DLC1: variants seen among roughly 807,000 people sequenced by gnomAD.
DLC1 encodes the protein rho GTPase-activating protein 7.
DLC1 carries 54 observed loss-of-function variants against 140.3 expected under a neutral mutation model. The observed-to-expected ratio is 0.38, with a 90% CI of 0.31 to 0.48. DLC1 has a LOEUF of 0.48. Among genes scored for constraint, DLC1 ranks in the 20% least tolerant of loss-of-function variants. The pLI, the probability that DLC1 is intolerant of heterozygous loss-of-function variation, is 0.96. For synonymous variants in DLC1, 986 were observed against 728.1 expected (o/e 1.35, Z -5.70); for missense variants, 2,536 against 1,907.0 (o/e 1.33, Z -6.14).
Position 13,499,915 on chromosome 8 carries a change from C to T in DLC1, c.157G>A (p.Asp53Asn). 9 of 1,614,084 alleles carry T rather than the reference C, an allele frequency of 5.6e-6. No individual in the cohort carries two copies. The highest frequency in any genetic ancestry group is 7.6e-6 in the Non-Finnish European group (9 of 1,180,010). ...AGTGAAACACACTTCTCTTTGCGGTCCACATTTAGAGTTGCATCTTTTTCC... is the reference window on the plus strand; with the variant it reads ...AGTGAAACACACTTCTCTTTGCGGTTCACATTTAGAGTTGCATCTTTTTCC... ...SMEKDATLNV[D>N]RKEKCVSLPD... Residue 53 changes from aspartate (D) to asparagine (N), a missense_variant, in exon 2 of 18, where the codon GAC (aspartate) becomes AAC (asparagine). By Grantham distance (23) the Asp-to-Asn change is conservative. Transcript: ENST00000276297.
intron 4 of DLC1, among the ~76,000 whole-genome samples, chr8:13,321,552 AAAAAAAAAAAAAAAG>A: frequency 6.6e-6 from 1 of 150,436 alleles, no homozygotes; most frequent in African/African-American, 2.4e-5. Flanking sequence ...AGAAAAAAAA[AAAAAAAAAAAAAAAG>A]AAACCTAAAC....
chr8:13,246,291 G>A (rs914665140), intron 5 of DLC1, among the ~76,000 whole-genome samples: 5 of 152,174 alleles, frequency 3.3e-5, no homozygotes, highest in Admixed American at 2.6e-4. Flanking sequence ...CAGAAAGCAC[G>A]TCTTTTAAAT....
At chr8:13,195,129 T>C (rs1464558251) in intron 5 of DLC1, among the ~76,000 whole-genome samples, 1 of 152,210 alleles carries the variant, frequency 6.6e-6, no homozygotes, top group Non-Finnish European at 1.5e-5. Flanking sequence ...TTCTCATTTA[T>C]TTGGCCCAAA....
chr8:13,143,430 G>T (rs1182495056), intron 5 of DLC1, among the ~76,000 whole-genome samples: 1 of 152,118 alleles, frequency 6.6e-6, no homozygotes, highest in African/African-American at 2.4e-5. Flanking sequence ...TACTTCCTAG[G>T]TAGGTTAGAA....
chr8:13,121,363 A>G (rs1267436905), intron 5 of DLC1, among the ~76,000 whole-genome samples: 1 of 152,126 alleles, frequency 6.6e-6, no homozygotes, highest in Non-Finnish European at 1.5e-5. Flanking sequence ...AAGGTGACCA[A>G]TTTGGCAGGA....
intron 5 of DLC1, among the ~76,000 whole-genome samples, chr8:13,151,195 G>T (rs963623343): frequency 1.3e-5 from 2 of 152,118 alleles, no homozygotes; most frequent in African/African-American, 2.4e-5. Context: ...TGTTTACATG[G>T]GAAGACTCAG....
rs529416800 is a variant in DLC1 at position 13,172,275 on chromosome 8, G to C, written c.1349-56618C>G. On this transcript the variant is annotated intron_variant, in intron 5 of 17. Transcript: ENST00000276297. Reference sequence around the variant, plus strand: ...ACCTCACTAATGGAGACCCCTGATAGGGTGTGGCCAGCTGGAGCCTCAATA... The same window carrying C: ...ACCTCACTAATGGAGACCCCTGATACGGTGTGGCCAGCTGGAGCCTCAATA... Among the ~76,000 whole-genome samples the C allele has an allele frequency of 5.9e-5, 9 of 152,300 alleles. No homozygotes were observed. In the South Asian group the frequency reaches 1.9e-3, roughly 32 times the overall value.
intron 4 of DLC1, among the ~76,000 whole-genome samples, chr8:13,332,021 G>A (rs1049013330): frequency 2.0e-5 from 3 of 152,100 alleles, no homozygotes; most frequent in African/African-American, 7.2e-5. Context: ...TCCACAAAAT[G>A]ACGAACTATT....
intron 4 of DLC1, among the ~76,000 whole-genome samples, chr8:13,387,214 A>G (rs910036229): frequency 3.9e-5 from 6 of 152,048 alleles, no homozygotes; most frequent in African/African-American, 1.2e-4. Context: ...CCAATTTTAT[A>G]TATTACCTTG....
intron 6 of DLC1, among the ~76,000 whole-genome samples, chr8:13,114,193 C>T (rs1166351735): frequency 6.6e-6 from 1 of 152,128 alleles, no homozygotes; most frequent in East Asian, 1.9e-4. Flanking sequence ...AAAACCCCGG[C>T]TCTACTAAAA....
rs187222044 is a variant in DLC1, at chr8:13,548,389, T to A, written c.-125-48193A>T. Among the ~76,000 whole-genome samples the A allele has an allele frequency of 2.0e-3, 305 of 152,150 alleles. 1 individual carries two copies. The highest frequency in any genetic ancestry group is 6.8e-3 in the African/African-American group (282 of 41,544). ...GTGTACTACACACCCCAGTATTAAATTGAATTAATGAATTAGTTTCAGGAG... is the reference window on the plus strand; with the variant it reads ...GTGTACTACACACCCCAGTATTAAAATGAATTAATGAATTAGTTTCAGGAG... On this transcript the variant is annotated intron_variant, in intron 1 of 1. Transcript: ENST00000631382.
At chr8:13,418,501 A>T (rs866330269) in intron 2 of DLC1, among the ~76,000 whole-genome samples, 3 of 151,930 alleles carry the variant, frequency 2.0e-5, no homozygotes, top group Admixed American at 6.6e-5. Context: ...TTTTTGTCAC[A>T]TGTGTCAAAG....
intron 5 of DLC1, among the ~76,000 whole-genome samples, chr8:13,123,556 C>T (rs1275407987): frequency 2.0e-5 from 3 of 149,448 alleles, no homozygotes; most frequent in African/African-American, 7.4e-5. Context: ...CCGTGGTGGT[C>T]AGGCTGGTTT....
intron 2 of DLC1, among the ~76,000 whole-genome samples, chr8:13,476,572 GA>G (rs1205946701): frequency 6.6e-6 from 1 of 151,864 alleles, no homozygotes; most frequent in Non-Finnish European, 1.5e-5. Flanking sequence ...GCAGGATGTG[GA>G]AACAACAGAC....
chr8:13,374,325 A>C (rs1206845835), intron 4 of DLC1, among the ~76,000 whole-genome samples: 3 of 152,182 alleles, frequency 2.0e-5, no homozygotes, highest in Non-Finnish European at 4.4e-5. Flanking sequence ...TGTATTGATA[A>C]ACAATAGAAT....
At position 13,120,370 on chromosome 8, in the gene DLC1, T is replaced by TATATATATATAA. The variant is rs369581778; in HGVS notation, c.1349-4714_1349-4713insTTATATATATAT. Among the ~76,000 whole-genome samples, 799 of 110,748 alleles carry TATATATATATAA rather than the reference T, an allele frequency of 7.2e-3. 3 individuals are homozygous for TATATATATATAA. The highest frequency in any genetic ancestry group is 0.032 in the East Asian group (120 of 3,762). The allele number at this position is 110,748 out of a possible 152,430, so 72.7% of individuals were successfully genotyped here. A position where few individuals can be genotyped will look rare whatever the true frequency, so the allele number is the denominator to read the frequency against. The stretch of plus-strand genomic sequence containing the variant: ...AAAAAAAAAAAAATATATATATATA[T>TATATATATATAA]AAAATGTATATTATGTAACAAATAC... On this transcript the variant is annotated intron_variant, in intron 5 of 17. Coordinates refer to ENST00000276297, the MANE Select transcript of DLC1 (RefSeq NM_182643.3).
At chr8:13,096,504 T>A (rs1018609192) in intron 10 of DLC1, among the ~76,000 whole-genome samples, 2 of 152,016 alleles carry the variant, frequency 1.3e-5, no homozygotes, top group Non-Finnish European at 2.9e-5. Context: ...GTATCATGGC[T>A]ATAAGTGTGC....
At chr8:13,552,847 A>G (rs148982944) in intron 1 of DLC1, among the ~76,000 whole-genome samples, 3 of 152,120 alleles carry the variant, frequency 2.0e-5, no homozygotes, top group Admixed American at 1.3e-4. Context: ...AAAGAAAATG[A>G]TCACAGAAAA....
chr8:13,213,472 T>C (rs1435536921), intron 5 of DLC1, among the ~76,000 whole-genome samples: 1 of 152,228 alleles, frequency 6.6e-6, no homozygotes, highest in African/African-American at 2.4e-5. Context: ...CTTGAAAAGA[T>C]GTTAGAAAAT....
Sources: gnomAD v4.1 joint callset for allele counts (sites outside exome capture counted in the v4.1 genomes callset) on GRCh38, gnomAD v4.1.1 for gene constraint, MANE v1.5 for transcripts, NCBI Gene and HGNC (gene_info 2026-07-23, HGNC 2026-07-21) for gene names.